COL23A1: variants seen among roughly 807,000 people sequenced by gnomAD.
The protein encoded by COL23A1 is collagen type XXIII alpha 1 chain.
COL23A1 carries 97 observed loss-of-function variants against 99.3 expected under a neutral mutation model. That is an observed-to-expected ratio of 0.98 (90% CI 0.83 to 1.16). The LOEUF is 1.16. Among genes scored for constraint, COL23A1 ranks in the 50% most tolerant of loss-of-function variants. The probability of loss-of-function intolerance (pLI) is 0.00; values close to 1 mark genes in which losing one functional copy is unlikely to be tolerated. For missense variants in COL23A1, 762 were observed against 757.4 expected (o/e 1.01, Z -0.07); for synonymous variants, 320 against 308.2 (o/e 1.04, Z -0.40).
At chr5:178,315,977 T>C (rs953933726) in intron 2 of COL23A1, among the ~76,000 whole-genome samples, 7 of 152,166 alleles carry the variant, frequency 4.6e-5, no homozygotes, top group Non-Finnish European at 7.3e-5. Context: ...ATACAGCATA[T>C]CTTAGCTGAA....
At chr5:178,358,719 ATGTGTATG>A (rs1407058600) in intron 2 of COL23A1, among the ~76,000 whole-genome samples, 4 of 102,792 alleles carry the variant, frequency 3.9e-5, no homozygotes, top group South Asian at 6.8e-4. Context: ...GTATGTGTGT[ATGTGTATG>A]TGTGTATGTG....
In COL23A1 at chr5:178,277,146, A is replaced by G. The variant is rs191195298; in HGVS notation, c.442-6783T>C. ...TTTGGAAGGTCAATGTAGGAGGATT[A>G]CCCTGGCTCAGGAGTTTAAGACCAG... On this transcript the variant is annotated intron_variant, in intron 5 of 28. Coordinates refer to ENST00000390654, the MANE Select transcript of COL23A1 (RefSeq NM_173465.4). Among the ~76,000 whole-genome samples, 35 of 150,672 alleles carry G rather than the reference A, an allele frequency of 2.3e-4. No homozygotes were observed. The East Asian group carries it at 6.6e-3, about 29-fold the overall frequency.
At chr5:178,264,592 A>T (rs1581481587) in intron 8 of COL23A1, among the ~76,000 whole-genome samples, 1 of 152,158 alleles carries the variant, frequency 6.6e-6, no homozygotes, top group Non-Finnish European at 1.5e-5. Flanking sequence ...AGTGGCTCCC[A>T]ACCCTCTTGT....
At chr5:178,400,390 T>C (rs75052667) in intron 2 of COL23A1, among the ~76,000 whole-genome samples, 1 of 108,188 alleles carries the variant, frequency 9.2e-6, no homozygotes, top group Non-Finnish European at 1.8e-5. Context: ...AAAAAAAAAG[T>C]CTACATGGAA....
In COL23A1 at chr5:178,313,068, C is replaced by T. The variant is rs554914699; in HGVS notation, c.362-6149G>A. ...AGCATGATGGGCCTGGAGGACGTCACGCGATGGGAAGTAAGCCAGACACAG... is the reference window on the plus strand; with the variant it reads ...AGCATGATGGGCCTGGAGGACGTCATGCGATGGGAAGTAAGCCAGACACAG... On this transcript the variant is annotated intron_variant, in intron 2 of 28. Transcript: ENST00000390654. This position sits in a 1 kb window ranked among gnomAD's most constrained non-coding sequence, Gnocchi z 4.2. 1.8e-4 allele frequency among the ~76,000 whole-genome samples: 28 copies of T among 152,260 alleles called. No homozygotes were observed. Among genetic ancestry groups the T allele is most frequent in the Admixed American group, 3.3e-4 (5 of 15,306 alleles).
intron 2 of COL23A1, among the ~76,000 whole-genome samples, chr5:178,559,053 G>C (rs866170216): frequency 1.3e-5 from 2 of 152,336 alleles, no homozygotes; most frequent in South Asian, 4.1e-4. Context: ...GCCTCCCAAA[G>C]TGCTGGGATT....
At chr5:178,391,305 A>G (rs1763950154) in intron 2 of COL23A1, among the ~76,000 whole-genome samples, 1 of 152,262 alleles carries the variant, frequency 6.6e-6, no homozygotes. Flanking sequence ...AAGGAAAAAG[A>G]TAAGCCATGG....
Position 178,572,067 on chromosome 5 carries a change from C to CAAAAAAAAAA in COL23A1, c.295-11320_295-11319insTTTTTTTTTT, listed in dbSNP as rs1288485909. On this transcript the variant is annotated intron_variant, in intron 1 of 28. Transcript: ENST00000390654. ...TGGGTGACAGAGCGAGACTCTTTCT[C>CAAAAAAAAAA]AAAACAAAAAAAAAAAAGACCTAAA... Among the ~76,000 whole-genome samples the CAAAAAAAAAA allele has an allele frequency of 9.2e-5, 5 of 54,330 alleles. 1 individual carries two copies. The highest frequency in any genetic ancestry group is 7.5e-4 in the African/African-American group (5 of 6,668). The allele number at this position is 54,330 out of a possible 152,430, so 35.6% of individuals were successfully genotyped here.
chr5:178,416,569 C>T (rs1409131213), intron 2 of COL23A1, among the ~76,000 whole-genome samples: 1 of 152,216 alleles, frequency 6.6e-6, no homozygotes, highest in East Asian at 1.9e-4. Context: ...ATTCAGCAGA[C>T]AGGATTAACC....
chr5:178,498,273 TA>T (rs1206240856), intron 2 of COL23A1, among the ~76,000 whole-genome samples: 1 of 93,082 alleles, frequency 1.1e-5, no homozygotes, highest in Non-Finnish European at 2.2e-5. Flanking sequence ...AACTTAAAAA[TA>T]AAAAAATAAA....
At chr5:178,437,427 C>A (rs915982423) in intron 2 of COL23A1, among the ~76,000 whole-genome samples, 33 of 152,204 alleles carry the variant, frequency 2.2e-4, no homozygotes, top group Admixed American at 1.7e-3. Context: ...AGGAGGTCGC[C>A]AGGATCTGGT....
chr5:178,547,585 A>C (rs1581610749), intron 2 of COL23A1, among the ~76,000 whole-genome samples: 6 of 24,490 alleles, frequency 2.4e-4, no homozygotes, highest in East Asian at 1.5e-3. Context: ...CTACACCCAC[A>C]CCCCCACAAC....
intron 1 of COL23A1, among the ~76,000 whole-genome samples, chr5:178,580,245 T>C (rs1488545153): frequency 6.6e-6 from 1 of 151,930 alleles, no homozygotes; most frequent in African/African-American, 2.4e-5. Context: ...GTAGAATCAC[T>C]TGAACCTGAG....
At chr5:178,469,793 G>C (rs1756642972) in intron 2 of COL23A1, among the ~76,000 whole-genome samples, 2 of 152,180 alleles carry the variant, frequency 1.3e-5, no homozygotes, top group South Asian at 2.1e-4. Context: ...GGAGGAGGTG[G>C]CCATTCCCCC....
chr5:178,544,699 T>C lies in COL23A1; in HGVS notation c.361+15983A>G, dbSNP rs924521829. Among the ~76,000 whole-genome samples the C allele has an allele frequency of 6.6e-6, 1 of 152,166 alleles. No individual in the cohort carries two copies. Among genetic ancestry groups the C allele is most frequent in the African/African-American group, 2.4e-5 (1 of 41,448 alleles). On this transcript the variant is annotated intron_variant, in intron 2 of 28. Transcript: ENST00000390654. The surrounding 1 kb of genome is among the most constrained non-coding windows in gnomAD (Gnocchi z 4.4). ...CAGGGGCGGTCACCTTCCAGTCCTGTAAGTGGCAAAGCTCAGAGGCACTGT... is the reference window on the plus strand; with the variant it reads ...CAGGGGCGGTCACCTTCCAGTCCTGCAAGTGGCAAAGCTCAGAGGCACTGT...
chr5:178,386,175 A>AGTG (rs1442562191), intron 2 of COL23A1, among the ~76,000 whole-genome samples: 11 of 152,180 alleles, frequency 7.2e-5, no homozygotes, highest in Non-Finnish European at 1.3e-4. Context: ...GCCGTGGCTC[A>AGTG]CACCTGTAAT....
At position 178,333,881 on chromosome 5, in the gene COL23A1, TCCCCAGAC is replaced by T. The variant is rs879270568; in HGVS notation, c.362-26970_362-26963del. Reference sequence around the variant, plus strand: ...TTCTTCCTGTCTCAGTGATATGAGGTCCCCAGACCTGGACAGGGCCCGTGAGGTAGCCA... The same window carrying T: ...TTCTTCCTGTCTCAGTGATATGAGGTCTGGACAGGGCCCGTGAGGTAGCCA... On this transcript the variant is annotated intron_variant, in intron 2 of 28. Coordinates refer to ENST00000390654, the MANE Select transcript of COL23A1 (RefSeq NM_173465.4). Among the ~76,000 whole-genome samples the T allele has an allele frequency of 6.3e-3, 964 of 152,178 alleles. 4 individuals carry two copies. The highest frequency in any genetic ancestry group is 0.01 in the Middle Eastern group (3 of 294).
intron 2 of COL23A1, among the ~76,000 whole-genome samples, chr5:178,338,597 G>A (rs1273027616): frequency 2.0e-5 from 3 of 151,664 alleles, no homozygotes; most frequent in East Asian, 1.9e-4. Context: ...GGCCAGCACC[G>A]GGAATGGGGT....
intron 2 of COL23A1, among the ~76,000 whole-genome samples, chr5:178,433,828 T>C (rs1390035931): frequency 6.6e-6 from 1 of 152,244 alleles, no homozygotes; most frequent in Admixed American, 6.5e-5. Flanking sequence ...AGGAGATTAC[T>C]GTTTTTGGAG....
Sources: gnomAD v4.1 joint callset for allele counts (sites outside exome capture counted in the v4.1 genomes callset) on GRCh38, gnomAD v4.1.1 for gene constraint, Gnocchi (gnomAD v3.1) non-coding constraint, MANE v1.5 for transcripts, NCBI Gene and HGNC (gene_info 2026-07-23, HGNC 2026-07-21) for gene names.